Variants in RALYL observed in about 807,000 individuals in gnomAD.
The protein encoded by RALYL is RALY RNA binding protein like.
A neutral mutation model predicts 35.1 loss-of-function variants in RALYL; 29 were observed. The ratio of observed to expected loss-of-function variants is 0.83; its 90% CI spans 0.61 to 1.13. The LOEUF (loss-of-function observed/expected upper bound fraction) is 1.13. Among genes scored for constraint, RALYL ranks in the 50% most tolerant of loss-of-function variants. The probability of loss-of-function intolerance (pLI) is 0.00; values close to 1 mark genes in which losing one functional copy is unlikely to be tolerated. For synonymous variants in RALYL, 120 were observed against 127.6 expected, an observed-to-expected ratio of 0.94 and a Z score of 0.40; for missense variants, 359 against 360.4, an observed-to-expected ratio of 1.00 and a Z score of 0.03.
intron 1 of RALYL, among the ~76,000 whole-genome samples, chr8:84,389,734 A>C (rs1416042839): frequency 6.7e-6 from 1 of 149,860 alleles, no homozygotes; most frequent in African/African-American, 2.5e-5. Flanking sequence ...CAGCTTAAGG[A>C]GATTTTGGGC....
intron 1 of RALYL, among the ~76,000 whole-genome samples, chr8:84,425,249 G>A (rs1387357803): frequency 4.6e-5 from 7 of 151,596 alleles, no homozygotes; most frequent in Non-Finnish European, 8.9e-5. Flanking sequence ...ATATAGTCTC[G>A]TGGTGCGCCG....
chr8:84,256,086 G>C (rs549113816), intron 1 of RALYL, among the ~76,000 whole-genome samples: 1 of 152,260 alleles, frequency 6.6e-6, no homozygotes, highest in South Asian at 2.1e-4. Context: ...GGGTATGTCT[G>C]ATTGCTGGTG....
intron 1 of RALYL, among the ~76,000 whole-genome samples, chr8:84,258,650 G>A (rs150435239): frequency 0.011 from 1,704 of 152,210 alleles, 27 homozygotes; most frequent in African/African-American, 0.039. Flanking sequence ...AGAAATTACA[G>A]TAGTTTTAAT....
chr8:84,408,458 A>T (rs1485618151), intron 1 of RALYL, among the ~76,000 whole-genome samples: 1 of 152,254 alleles, frequency 6.6e-6, no homozygotes, highest in East Asian at 1.9e-4. Context: ...AGATTTAATG[A>T]TGATGACAAT....
chr8:84,347,298 T>C (rs1850021046), intron 1 of RALYL, among the ~76,000 whole-genome samples: 1 of 152,084 alleles, frequency 6.6e-6, no homozygotes, highest in African/African-American at 2.4e-5. Context: ...CTTCTTTACT[T>C]TGCTGTCCTT....
chr8:84,638,867 CATAAATATATATATATATATATAT>C lies in RALYL; in HGVS notation c.256+109294_256+109317del, dbSNP rs1284988950. ...CAGAAATACGAGTATCTAATGCACG[CATAAATATATATATATATATATAT>C]ATATATATATATATATATATATATA... On this transcript the variant is annotated intron_variant, in intron 2 of 8. Coordinates refer to ENST00000521268, the MANE Select transcript of RALYL (RefSeq NM_173848.7). Among the ~76,000 whole-genome samples, 413 of 102,124 alleles carry C rather than the reference CATAAATATATATATATATATATAT, an allele frequency of 4.0e-3. 8 individuals are homozygous for C. Among genetic ancestry groups the C allele is most frequent in the African/African-American group, 0.018 (383 of 21,110 alleles). The allele number at this position is 102,124 out of a possible 152,430, so 67.0% of individuals were successfully genotyped here.
chr8:84,390,943 C>T (rs1051989196), intron 1 of RALYL, among the ~76,000 whole-genome samples: 1 of 151,968 alleles, frequency 6.6e-6, no homozygotes. Flanking sequence ...TCACACGTTC[C>T]TCCAAACTTT....
At chr8:84,462,601 A>ATTTTTTT (rs10667055) in intron 1 of RALYL, among the ~76,000 whole-genome samples, 1 of 136,836 alleles carries the variant, frequency 7.3e-6, no homozygotes, top group African/African-American at 2.7e-5. Context: ...ATCTAGATTC[A>ATTTTTTT]TTTTTTTTTT....
chr8:84,667,853 C>G (rs912303369), intron 2 of RALYL, among the ~76,000 whole-genome samples: 4 of 152,074 alleles, frequency 2.6e-5, no homozygotes, highest in Non-Finnish European at 5.9e-5. Context: ...TTTAGGGACT[C>G]AATCTGAAAA....
At chr8:84,773,973 C>T (rs1369142136) in intron 2 of RALYL, among the ~76,000 whole-genome samples, 1 of 152,174 alleles carries the variant, frequency 6.6e-6, no homozygotes, top group Non-Finnish European at 1.5e-5. Context: ...AATCCCAACA[C>T]TTCGGGAGGC....
At chr8:84,802,611 A>C (rs957621586) in intron 3 of RALYL, among the ~76,000 whole-genome samples, 6 of 152,186 alleles carry the variant, frequency 3.9e-5, no homozygotes, top group Non-Finnish European at 8.8e-5. Flanking sequence ...AAAAAGAGAG[A>C]GAGAGAGAAA....
intron 1 of RALYL, among the ~76,000 whole-genome samples, chr8:84,243,179 T>C (rs1194658263): frequency 2.0e-5 from 3 of 152,182 alleles, no homozygotes; most frequent in African/African-American, 7.2e-5. Flanking sequence ...TTGGTCTATG[T>C]GTCTGTTTTT....
chr8:84,475,199 T>A lies in RALYL; in HGVS notation c.-23-54100T>A, dbSNP rs143144417. The stretch of plus-strand genomic sequence containing the variant: ...CCTTGTGATAGTTTGCTCAGAATGA[T>A]GGTTTCCAGCTTCATCCATGTCCCT... On this transcript the variant is annotated intron_variant, in intron 1 of 8. Coordinates refer to ENST00000521268, the MANE Select transcript of RALYL (RefSeq NM_173848.7). 3.9e-3 allele frequency among the ~76,000 whole-genome samples: 598 copies of A among 152,176 alleles called. 6 individuals carry two copies. Among genetic ancestry groups the A allele is most frequent in the African/African-American group, 0.014 (572 of 41,542 alleles).
chr8:84,350,248 A>G (rs540599941), intron 1 of RALYL, among the ~76,000 whole-genome samples: 8 of 150,398 alleles, frequency 5.3e-5, no homozygotes, highest in East Asian at 3.9e-4. Flanking sequence ...GACACTCCCA[A>G]TATCTTCTGC....
chr8:84,438,390 A>G (rs925845167), intron 1 of RALYL, among the ~76,000 whole-genome samples: 3 of 151,372 alleles, frequency 2.0e-5, no homozygotes, highest in Non-Finnish European at 4.4e-5. Context: ...TTACTTATTT[A>G]TTTATTTATT....
At chr8:84,597,392 TTC>T (rs535674686) in intron 2 of RALYL, among the ~76,000 whole-genome samples, 27 of 152,290 alleles carry the variant, frequency 1.8e-4, no homozygotes, top group African/African-American at 6.0e-4. Flanking sequence ...AATTATCAAA[TTC>T]TGTTTTATTG....
At chr8:84,213,389 C>T (rs531799636) in intron 1 of RALYL, among the ~76,000 whole-genome samples, 66 of 152,026 alleles carry the variant, frequency 4.3e-4, no homozygotes, top group Non-Finnish European at 4.4e-4. Context: ...GAGCAAGACT[C>T]CATCTCAACA....
intron 2 of RALYL, among the ~76,000 whole-genome samples, chr8:84,703,032 C>T (rs1589104046): frequency 3.3e-5 from 5 of 152,080 alleles, no homozygotes. Context: ...TCTTCAGCTT[C>T]TCTCTCTGTC....
At chr8:84,185,514 T>G (rs1285517216) in intron 1 of RALYL, among the ~76,000 whole-genome samples, 2 of 152,208 alleles carry the variant, frequency 1.3e-5, no homozygotes, top group African/African-American at 4.8e-5. Context: ...AAGCCTTTTC[T>G]GTATTTAACA....
Sources: gnomAD v4.1 joint callset for allele counts (sites outside exome capture counted in the v4.1 genomes callset) on GRCh38, gnomAD v4.1.1 for gene constraint, MANE v1.5 for transcripts, NCBI Gene and HGNC (gene_info 2026-07-23, HGNC 2026-07-21) for gene names.